HS6ST3: variants seen among roughly 807,000 people sequenced by gnomAD.
HS6ST3 encodes heparan sulfate 6-O-sulfotransferase 3.
HS6ST3 carries 12 observed loss-of-function variants against 36.7 expected under a neutral mutation model. That is an observed-to-expected ratio of 0.33 (90% CI 0.21 to 0.53). HS6ST3 has a LOEUF of 0.53. Among genes scored for constraint, HS6ST3 ranks in the 20% least tolerant of loss-of-function variants. HS6ST3 has a pLI of 0.95. For missense variants in HS6ST3, 584 were observed against 640.9 expected, an observed-to-expected ratio of 0.91 and a Z score of 0.96; for synonymous variants, 240 against 257.5, an observed-to-expected ratio of 0.93 and a Z score of 0.65.
chr13:96,578,934 C>A (rs1242897758), intron 1 of HS6ST3, among the ~76,000 whole-genome samples: 1 of 152,146 alleles, frequency 6.6e-6, no homozygotes, highest in East Asian at 1.9e-4. Flanking sequence ...CATAATAACC[C>A]AGAGCTAGGA....
intron 1 of HS6ST3, among the ~76,000 whole-genome samples, chr13:96,338,621 C>T (rs1048331438): frequency 6.6e-6 from 1 of 152,148 alleles, no homozygotes; most frequent in Admixed American, 6.5e-5. Context: ...CCCGGTGCCT[C>T]GAATTCCTGG....
chr13:96,167,488 G>C (rs1288181430), intron 1 of HS6ST3, among the ~76,000 whole-genome samples: 2 of 152,142 alleles, frequency 1.3e-5, no homozygotes, highest in Non-Finnish European at 2.9e-5. Flanking sequence ...CATCGCCCAA[G>C]AATCTCCCAT....
chr13:96,650,294 GT>G (rs2056603031), intron 1 of HS6ST3, among the ~76,000 whole-genome samples: 1 of 152,008 alleles, frequency 6.6e-6, no homozygotes, highest in Non-Finnish European at 1.5e-5. Context: ...TTGTTCTTTG[GT>G]TTATATCAAG....
chr13:96,117,936 C>A (rs2053901630), intron 1 of HS6ST3, among the ~76,000 whole-genome samples: 2 of 151,406 alleles, frequency 1.3e-5, no homozygotes, highest in South Asian at 4.2e-4. Context: ...GTGGCCTGAT[C>A]TCGGCTCACT....
intron 1 of HS6ST3, among the ~76,000 whole-genome samples, chr13:96,121,381 C>T (rs1415855961): frequency 6.6e-6 from 1 of 152,188 alleles, no homozygotes; most frequent in East Asian, 1.9e-4. Context: ...AGATGAGGGT[C>T]ACCTGAGAGG....
chr13:96,666,459 G>C (rs2056664649), intron 1 of HS6ST3, among the ~76,000 whole-genome samples: 1 of 151,978 alleles, frequency 6.6e-6, no homozygotes. Flanking sequence ...TCACATTCAT[G>C]CTGTTTTTCC....
At chr13:96,212,199 G>T (rs114352419) in intron 1 of HS6ST3, among the ~76,000 whole-genome samples, 1,782 of 152,284 alleles carry the variant, frequency 0.012, 38 homozygotes, top group African/African-American at 0.041. Flanking sequence ...CCAGCATCAG[G>T]TTTAATGCCT....
chr13:96,516,032 A>ATGATGATG (rs1470126977), intron 1 of HS6ST3, among the ~76,000 whole-genome samples: 1 of 151,484 alleles, frequency 6.6e-6, no homozygotes, highest in Admixed American at 6.6e-5. Flanking sequence ...GTTTGTCTAG[A>ATGATGATG]TGATGATGTT....
chr13:96,152,815 G>T (rs1388652580), intron 1 of HS6ST3, among the ~76,000 whole-genome samples: 2 of 152,106 alleles, frequency 1.3e-5, no homozygotes, highest in Non-Finnish European at 2.9e-5. Flanking sequence ...GGTCATCCAT[G>T]ATTTGACTCT....
chr13:96,142,614 C>T (rs2054037379), intron 1 of HS6ST3, among the ~76,000 whole-genome samples: 1 of 152,006 alleles, frequency 6.6e-6, no homozygotes, highest in Admixed American at 6.6e-5. Flanking sequence ...TCTAATTTTC[C>T]TGTGGCAAAA....
intron 1 of HS6ST3, among the ~76,000 whole-genome samples, chr13:96,328,796 G>T (rs535376418): frequency 1.4e-4 from 22 of 152,278 alleles, no homozygotes; most frequent in Admixed American, 2.6e-4. Flanking sequence ...ATTCGGCTAT[G>T]AATCCATCTG....
At chr13:96,214,955 G>C (rs534930836) in intron 1 of HS6ST3, among the ~76,000 whole-genome samples, 1 of 152,272 alleles carries the variant, frequency 6.6e-6, no homozygotes, top group South Asian at 2.1e-4. Flanking sequence ...GTGCCAGCCT[G>C]TATGTAGTTG....
At chr13:96,577,590 C>T (rs1263921514) in intron 1 of HS6ST3, among the ~76,000 whole-genome samples, 1 of 152,086 alleles carries the variant, frequency 6.6e-6, no homozygotes, top group Non-Finnish European at 1.5e-5. Flanking sequence ...TGAGGAATCG[C>T]CTATCCATCT....
intron 1 of HS6ST3, among the ~76,000 whole-genome samples, chr13:96,242,048 G>T (rs1305693984): frequency 6.6e-6 from 1 of 151,936 alleles, no homozygotes; most frequent in Non-Finnish European, 1.5e-5. Flanking sequence ...GCCTCCCAAA[G>T]TGCTGAGATT....
intron 1 of HS6ST3, among the ~76,000 whole-genome samples, chr13:96,802,831 T>C (rs909004896): frequency 6.6e-6 from 1 of 152,190 alleles, no homozygotes; most frequent in African/African-American, 2.4e-5. Context: ...CAGATACTTT[T>C]CCCATACTCT....
At chr13:96,552,482 G>A (rs2056223080) in intron 1 of HS6ST3, among the ~76,000 whole-genome samples, 1 of 152,160 alleles carries the variant, frequency 6.6e-6, no homozygotes, top group African/African-American at 2.4e-5. Flanking sequence ...AGAGTGGAAG[G>A]GTCAGAGGTT....
chr13:96,135,515 A>T (rs967324386), intron 1 of HS6ST3, among the ~76,000 whole-genome samples: 21 of 152,286 alleles, frequency 1.4e-4, no homozygotes, highest in Non-Finnish European at 2.8e-4. Context: ...TATTGGCGGT[A>T]TCCCTAGGGC....
chr13:96,272,431 A>G (rs2054725807), intron 1 of HS6ST3, among the ~76,000 whole-genome samples: 1 of 151,950 alleles, frequency 6.6e-6, no homozygotes, highest in African/African-American at 2.4e-5. Flanking sequence ...TCTGGTGATG[A>G]GTATAGGAAT....
At chr13:96,656,587 GT>G (rs2056625714) in intron 1 of HS6ST3, among the ~76,000 whole-genome samples, 1 of 152,148 alleles carries the variant, frequency 6.6e-6, no homozygotes, top group South Asian at 2.1e-4. Flanking sequence ...GAAGAAATGT[GT>G]TTAGGGCCAA....
Sources: allele counts gnomAD v4.1 joint callset (sites outside exome capture counted in the v4.1 genomes callset), GRCh38; gene constraint gnomAD v4.1.1; transcripts MANE v1.5; gene names NCBI Gene and HGNC (gene_info 2026-07-23, HGNC 2026-07-21).